Variants in MTUS2 observed in about 807,000 individuals in gnomAD.
MTUS2 encodes the protein microtubule-associated tumor suppressor candidate 2.
Under a neutral mutation model 114.1 loss-of-function variants are expected in MTUS2, and 40 were observed. That is an observed-to-expected ratio of 0.35 (90% confidence interval 0.27 to 0.46). The LOEUF is 0.46. MTUS2 is among the 20% of genes least tolerant of loss of function. The probability of loss-of-function intolerance (pLI) is 1.00; values close to 1 mark genes in which losing one functional copy is unlikely to be tolerated. For synonymous variants in MTUS2, 688 were observed against 672.0 expected, an observed-to-expected ratio of 1.02 and a Z score of -0.37; for missense variants, 1,679 against 1,705.4, an observed-to-expected ratio of 0.98 and a Z score of 0.27.
intron 8 of MTUS2, among the ~76,000 whole-genome samples, chr13:29,391,380 A>G (rs1330288359): frequency 2.0e-5 from 3 of 152,190 alleles, no homozygotes; most frequent in African/African-American, 2.4e-5. Context: ...GTGGACCCCT[A>G]AAGACTCCGG....
chr13:28,921,060 G>T (rs1014862973), intron 2 of MTUS2, among the ~76,000 whole-genome samples: 2 of 152,202 alleles, frequency 1.3e-5, no homozygotes, highest in Admixed American at 1.3e-4. Flanking sequence ...CAGCTGAGCT[G>T]GTACCTGAGG....
At chr13:28,961,449 T>A (rs1883325002) in intron 2 of MTUS2, among the ~76,000 whole-genome samples, 1 of 152,014 alleles carries the variant, frequency 6.6e-6, no homozygotes, top group Non-Finnish European at 1.5e-5. Flanking sequence ...CATCAGAAAG[T>A]GTGGAGAGCA....
At chr13:29,146,489 A>G (rs1412037179) in intron 5 of MTUS2, among the ~76,000 whole-genome samples, 1 of 152,210 alleles carries the variant, frequency 6.6e-6, no homozygotes, top group Non-Finnish European at 1.5e-5. Flanking sequence ...TGTCTGAACA[A>G]TTCATACTAC....
In MTUS2 at chr13:29,470,420, A is replaced by C. The variant is rs539382388; in HGVS notation, c.3185-9730A>C. ...GTCTGTCCTGCACCTCCCTCATCCC[A>C]TCCATAAGCAAGTCAATTTGTCTTT... is the stretch of plus-strand genomic sequence containing the variant. On this transcript the variant is annotated intron_variant, in intron 9 of 15. Coordinates refer to ENST00000612955, the MANE Select transcript of MTUS2 (RefSeq NM_001033602.4). 9.0e-4 allele frequency among the ~76,000 whole-genome samples: 137 copies of C among 152,170 alleles called. 6 individuals carry two copies. The South Asian group carries it at 0.026, about 29-fold the overall frequency.
chr13:29,373,321 C>T (rs910050363), intron 8 of MTUS2, among the ~76,000 whole-genome samples: 3 of 152,082 alleles, frequency 2.0e-5, no homozygotes, highest in African/African-American at 7.2e-5. Flanking sequence ...TTATTATCTC[C>T]ATGTACACAT....
chr13:28,913,199 A>G (rs1880550599), intron 2 of MTUS2, among the ~76,000 whole-genome samples: 1 of 152,190 alleles, frequency 6.6e-6, no homozygotes, highest in South Asian at 2.1e-4. Flanking sequence ...CCAGTTTTCA[A>G]GGGGAATGTT....
At chr13:29,402,500 C>T (rs1593404555) in intron 8 of MTUS2, among the ~76,000 whole-genome samples, 1 of 148,736 alleles carries the variant, frequency 6.7e-6, no homozygotes, top group Non-Finnish European at 1.5e-5. Flanking sequence ...GGGCAGCAGC[C>T]ACAGAAAAAC....
intron 9 of MTUS2, among the ~76,000 whole-genome samples, chr13:29,452,604 G>A (rs202170157): frequency 0.14 from 13,618 of 98,404 alleles, 753 homozygotes; most frequent in East Asian, 0.25. Flanking sequence ...GTGTGTGTGT[G>A]TGTATATATA....
At chr13:29,420,372 A>C (rs1468869945) in intron 8 of MTUS2, among the ~76,000 whole-genome samples, 1 of 148,508 alleles carries the variant, frequency 6.7e-6, no homozygotes, top group Non-Finnish European at 1.5e-5. Flanking sequence ...CTGCCTCTTC[A>C]GTTCAAGCGA....
rs201904112 is a variant in MTUS2, at chr13:29,408,242, A to T, written c.3118-31741A>T. Among the ~76,000 whole-genome samples the T allele has an allele frequency of 3.3e-5, 5 of 152,176 alleles. No individual in the cohort carries two copies. The East Asian group carries it at 7.7e-4, about 23-fold the overall frequency. On this transcript the variant is annotated intron_variant, in intron 8 of 15. Transcript: ENST00000612955. Reference sequence around the variant, plus strand: ...TTTTTTTGTGTCTTGATTAAAAAAAAACCCTCCCTAAACAGGGCATAATGA... The same window carrying T: ...TTTTTTTGTGTCTTGATTAAAAAAATACCCTCCCTAAACAGGGCATAATGA...
chr13:29,180,792 C>T (rs1566051239), intron 5 of MTUS2, among the ~76,000 whole-genome samples: 1 of 152,140 alleles, frequency 6.6e-6, no homozygotes, highest in Non-Finnish European at 1.5e-5. Context: ...AGTGGGACAG[C>T]GCCTATGAGA....
intron 2 of MTUS2, among the ~76,000 whole-genome samples, chr13:28,902,145 A>G (rs887863406): frequency 6.6e-6 from 1 of 152,196 alleles, no homozygotes; most frequent in African/African-American, 2.4e-5. Flanking sequence ...TTATAAGCAT[A>G]TAGAGACATG....
intron 2 of MTUS2, among the ~76,000 whole-genome samples, chr13:29,004,004 T>G (rs1050880873): frequency 2.0e-5 from 3 of 152,128 alleles, no homozygotes; most frequent in Admixed American, 2.0e-4. Flanking sequence ...AAAGAAAGGG[T>G]GAGGAGCTCC....
intron 6 of MTUS2, among the ~76,000 whole-genome samples, chr13:29,306,358 G>A (rs1899457846): frequency 6.6e-6 from 1 of 152,172 alleles, no homozygotes; most frequent in Admixed American, 6.5e-5. Flanking sequence ...ATCTTTGTTT[G>A]TAGGTGACAT....
intron 8 of MTUS2, among the ~76,000 whole-genome samples, chr13:29,377,958 T>A (rs1871879356): frequency 6.6e-6 from 1 of 152,210 alleles, no homozygotes; most frequent in South Asian, 2.1e-4. Flanking sequence ...AATGGGCTGT[T>A]GGTATACAGA....
chr13:28,866,200 C>T (rs889761627), intron 2 of MTUS2, among the ~76,000 whole-genome samples: 10 of 152,138 alleles, frequency 6.6e-5, no homozygotes, highest in South Asian at 2.1e-4. Flanking sequence ...GTGTCTGGTA[C>T]GACACGGTGC....
At chr13:28,832,163 C>T (rs1104600) in intron 1 of MTUS2, among the ~76,000 whole-genome samples, 73,207 of 152,022 alleles carry the variant, frequency 0.48, 18,259 homozygotes, top group Non-Finnish European at 0.53. Flanking sequence ...TATAAGCCAA[C>T]TGGAATTAAC....
At chr13:29,069,860 T>G (rs1343299546) in intron 4 of MTUS2, among the ~76,000 whole-genome samples, 1 of 152,236 alleles carries the variant, frequency 6.6e-6, no homozygotes, top group Non-Finnish European at 1.5e-5. Flanking sequence ...TCCTGTTACT[T>G]TTGACCTTTG....
chr13:29,191,574 T>C (rs1386256644), intron 5 of MTUS2, among the ~76,000 whole-genome samples: 1 of 152,004 alleles, frequency 6.6e-6, no homozygotes, highest in East Asian at 1.9e-4. Flanking sequence ...CTGGGGAACA[T>C]GGGGGACTGG....
Sources: gnomAD v4.1 joint callset for allele counts (sites outside exome capture counted in the v4.1 genomes callset) on GRCh38, gnomAD v4.1.1 for gene constraint, MANE v1.5 for transcripts, NCBI Gene and HGNC (gene_info 2026-07-23, HGNC 2026-07-21) for gene names.